The following RBM26 variants were observed in gnomAD, a reference collection of about 807,000 sequenced individuals.
The protein encoded by RBM26 is RNA binding motif protein 26.
RBM26 carries 30 observed loss-of-function variants against 123.6 expected under a neutral mutation model. The ratio of observed to expected loss-of-function variants is 0.24; its 90% CI spans 0.18 to 0.33. The LOEUF (loss-of-function observed/expected upper bound fraction) is 0.33. RBM26 is among the 10% of genes least tolerant of loss of function. The probability of loss-of-function intolerance (pLI) is 1.00; values close to 1 mark genes in which losing one functional copy is unlikely to be tolerated. For missense variants in RBM26, 947 were observed against 1,203.6 expected (o/e 0.79, Z 3.15); for synonymous variants, 400 against 404.4 (o/e 0.99, Z 0.13).
At position 79,354,379 on chromosome 13, in the gene RBM26, C is replaced by G. The variant is rs895948747; in HGVS notation, c.1986+60G>C. ...TACAATTAACTATAATTCAAATCAC[C>G]AAGGGAAACTAAATTACTGAGAACC... On this transcript the variant is annotated intron_variant, in intron 13 of 21. Coordinates refer to ENST00000438737, the MANE Select transcript of RBM26 (RefSeq NM_001366735.2). 3.0e-6 allele frequency: 4 copies of G among 1,326,030 alleles called. No individual in the cohort carries two copies. The African/African-American group carries it at 5.9e-5, about 20-fold the overall frequency. The allele number at this position is 1,326,030 out of a possible 1,614,324, so 82.1% of individuals were successfully genotyped here. A position where few individuals can be genotyped will look rare whatever the true frequency, so the allele number is the denominator to read the frequency against.
At chr13:79,367,430 A>AAAAAAAG (rs1555326395) in intron 6 of RBM26, among the ~76,000 whole-genome samples, 9 of 47,190 alleles carry the variant, frequency 1.9e-4, no homozygotes, top group African/African-American at 4.7e-4. Flanking sequence ...AAAAAAAAAA[A>AAAAAAAG]AAGAAGAAGA....
At chr13:79,334,283 C>T in intron 20 of RBM26, 61 bp downstream of exon 20, 1 of 950,038 alleles carries the variant, frequency 1.1e-6, no homozygotes, top group Admixed American at 2.8e-5. Context: ...TATATTAAAA[C>T]TTAAAAGTAA....
At chr13:79,403,066 C>T (rs948808977) in intron 1 of RBM26, among the ~76,000 whole-genome samples, 1 of 149,970 alleles carries the variant, frequency 6.7e-6, no homozygotes, top group Admixed American at 6.7e-5. Context: ...AAACAGAGGT[C>T]GTTTGGTAAT....
intron 11 of RBM26, among the ~76,000 whole-genome samples, chr13:79,357,945 CA>C (rs1327428407): frequency 1.4e-5 from 2 of 147,474 alleles, no homozygotes; most frequent in Admixed American, 1.4e-4. Context: ...TGCAGTGGCG[CA>C]ATCTCGGCTC....
At chr13:79,373,562 ATATT>A (rs1207994818) in intron 3 of RBM26, among the ~76,000 whole-genome samples, 2 of 108,898 alleles carry the variant, frequency 1.8e-5, no homozygotes, top group African/African-American at 7.4e-5. Flanking sequence ...ATTACTATAT[ATATT>A]TATATAATAT....
At chr13:79,343,896 A>C (rs905842781) in intron 16 of RBM26, among the ~76,000 whole-genome samples, 1 of 151,920 alleles carries the variant, frequency 6.6e-6, no homozygotes, top group Non-Finnish European at 1.5e-5. Context: ...ACATGTGGCT[A>C]CTAACTGCTA....
intron 14 of RBM26, among the ~76,000 whole-genome samples, chr13:79,345,486 T>C (rs1021460280): frequency 6.6e-6 from 1 of 152,100 alleles, no homozygotes; most frequent in African/African-American, 2.4e-5. Flanking sequence ...AATTAATGTG[T>C]CTTTTCCCCC....
At chr13:79,392,718 T>C (rs1270444122) in intron 1 of RBM26, among the ~76,000 whole-genome samples, 1 of 150,226 alleles carries the variant, frequency 6.7e-6, no homozygotes, top group African/African-American at 2.5e-5. Flanking sequence ...ACCACTGCTC[T>C]CACCCCAACA....
At chr13:79,355,496 A>G (rs766688681) in intron 11 of RBM26, 112 bp from the exon 12 acceptor site, 9 of 761,120 alleles carry the variant, frequency 1.2e-5, no homozygotes, top group Non-Finnish European at 1.9e-5. Flanking sequence ...TTCTGTATTT[A>G]TACTTCTTGG....
At chr13:79,351,602 G>A (rs532673908) in intron 14 of RBM26, among the ~76,000 whole-genome samples, 3 of 100,622 alleles carry the variant, frequency 3.0e-5, no homozygotes, top group East Asian at 4.6e-4. Flanking sequence ...TAGTTGGGGC[G>A]GCGGGGGGGG....
At chr13:79,314,953 C>T (rs2067013718), downstream of RBM26, 1 of 1,295,034 alleles carries the variant, frequency 7.7e-7, no homozygotes, top group Non-Finnish European at 1.0e-6. Context: ...CTTGCTCTTG[C>T]AGTCACAAAG....
intron 9 of RBM26, among the ~76,000 whole-genome samples, chr13:79,362,336 C>T (rs530662184): frequency 4.6e-5 from 7 of 152,232 alleles, no homozygotes; most frequent in Admixed American, 4.6e-4. Context: ...ATTCTTTCCA[C>T]TAAACTTATT....
Position 79,319,094 on chromosome 13 carries a change from G to A in RBM26, c.*1527C>T, listed in dbSNP as rs762639035. ...CAAGGCAAAGCATTTCTATGAAATA[G>A]TGTTACCATCAAGAAAATACACACA... On this transcript the variant is annotated 3_prime_UTR_variant, in exon 22 of 22. Transcript: ENST00000438737. 42 of 984,126 alleles carry A rather than the reference G, an allele frequency of 4.3e-5. No individual in the cohort carries two copies. Among genetic ancestry groups the A allele is most frequent in the Non-Finnish European group, 5.1e-5 (42 of 829,134 alleles). 61.0% of individuals were successfully genotyped at this position (984,126 alleles called of 1,614,324 possible).
rs1434185212 is a variant in RBM26, at chr13:79,320,315, A to G, written c.*306T>C. On this transcript the variant is annotated 3_prime_UTR_variant, in exon 22 of 22. Transcript: ENST00000438737. ...TAACAAGTATTGGTCATAAGTTTTC[A>G]GACCTATTCATTAAATTACAAAGAA... 9.9e-7 allele frequency: 1 copy of G among 1,010,102 alleles called. No individual in the cohort carries two copies. The highest frequency in any genetic ancestry group is 1.7e-5 in the African/African-American group (1 of 58,218). The allele number at this position is 1,010,102 out of a possible 1,614,324, so 62.6% of individuals were successfully genotyped here.
chr13:79,382,822 G>T (rs2077169112), intron 1 of RBM26, among the ~76,000 whole-genome samples: 1 of 151,984 alleles, frequency 6.6e-6, no homozygotes, highest in African/African-American at 2.4e-5. Context: ...TCAGTTCTAG[G>T]TTCCACCTTT....
intron 1 of RBM26, among the ~76,000 whole-genome samples, chr13:79,393,697 T>C (rs1286882745): frequency 2.0e-5 from 3 of 151,792 alleles, no homozygotes; most frequent in Non-Finnish European, 4.4e-5. Context: ...GTGGCTCTCC[T>C]CCCCCCGTAT....
At chr13:79,324,332 G>A (rs1216852545) in intron 20 of RBM26, among the ~76,000 whole-genome samples, 2 of 151,690 alleles carry the variant, frequency 1.3e-5, no homozygotes, top group Non-Finnish European at 3.0e-5. Context: ...ACCAATAAAT[G>A]TCACTTTTCT....
rs1318672711 is a variant in RBM26 at position 79,341,219 on chromosome 13, C to T, written c.2436G>A (p.Lys812=). The change falls in exon 18 of 22, where the codon AAG becomes AAA. Residue 812 remains lysine, a synonymous_variant. Coordinates refer to ENST00000438737, the MANE Select transcript of RBM26 (RefSeq NM_001366735.2). ...KSIKTKTQMQ[K]ELLDTELDLY... The stretch of plus-strand genomic sequence containing the variant: ...AATCCAGTTCTGTGTCAAGTAATTC[C>T]TTCTGCATCTAAAAAATAGTAATTA... 6.3e-7 allele frequency: 1 copy of T among 1,597,612 alleles called. No homozygotes were observed. The highest frequency in any genetic ancestry group is 1.1e-5 in the South Asian group (1 of 90,176).
chr13:79,386,421 A>T (rs1353762772), intron 1 of RBM26, among the ~76,000 whole-genome samples: 2 of 151,246 alleles, frequency 1.3e-5, no homozygotes, highest in South Asian at 2.1e-4. Context: ...ATTAAATAAA[A>T]AAAAAAAAAG....
Sources: gnomAD v4.1 joint callset for allele counts (sites outside exome capture counted in the v4.1 genomes callset) on GRCh38, gnomAD v4.1.1 for gene constraint, MANE v1.5 for transcripts, NCBI Gene and HGNC (gene_info 2026-07-23, HGNC 2026-07-21) for gene names.